Variants in PCDHGA11 observed in about 807,000 individuals in gnomAD.
PCDHGA11 encodes protocadherin gamma-A11.
A neutral mutation model predicts 60.4 loss-of-function variants in PCDHGA11; 39 were observed. The observed-to-expected ratio is 0.65, with a 90% CI of 0.50 to 0.84. PCDHGA11 has a LOEUF of 0.84. Ranked by LOEUF, PCDHGA11 falls within the 40% of genes least tolerant of loss-of-function variation. PCDHGA11 has a pLI of 0.00. For missense variants in PCDHGA11, 1,165 were observed against 1,197.7 expected, an observed-to-expected ratio of 0.97 and a Z score of 0.40; for synonymous variants, 533 against 510.3, an observed-to-expected ratio of 1.04 and a Z score of -0.60.
intron 1 of PCDHGA11, among the ~76,000 whole-genome samples, chr5:141,433,397 A>ATCTATCTG (rs1554126017): frequency 5.3e-5 from 8 of 150,410 alleles, no homozygotes; most frequent in Non-Finnish European, 1.2e-4. Context: ...CTATCTATCT[A>ATCTATCTG]TCTATCTATT....
intron 1 of PCDHGA11, among the ~76,000 whole-genome samples, chr5:141,445,746 TA>T (rs1486411811): frequency 2.0e-5 from 3 of 152,028 alleles, no homozygotes; most frequent in Non-Finnish European, 4.4e-5. Flanking sequence ...TTTTAAAAAA[TA>T]AAAGGTGTGA....
At chr5:141,434,875 A>G (rs2097725018) in intron 1 of PCDHGA11, among the ~76,000 whole-genome samples, 1 of 151,990 alleles carries the variant, frequency 6.6e-6, no homozygotes, top group African/African-American at 2.4e-5. Flanking sequence ...TGTGACAGAT[A>G]CCAACAACAA....
Position 141,432,061 on chromosome 5 carries a change from G to A in PCDHGA11, c.2433+8401G>A. 1 of 1,614,130 alleles carries A rather than the reference G, an allele frequency of 6.2e-7. No homozygotes were observed. The highest frequency in any genetic ancestry group is 8.5e-7 in the Non-Finnish European group (1 of 1,180,034). ...ACCGGGGAACCCCGCCCCTATCCAC[G>A]GAAACTCATATCTCGCTGAACGTGG... On this transcript the variant is annotated intron_variant, in intron 1 of 3. Coordinates refer to ENST00000398587, the MANE Select transcript of PCDHGA11 (RefSeq NM_018914.3). The surrounding 1 kb of genome is among the most constrained non-coding windows in gnomAD (Gnocchi z 6.0).
chr5:141,426,297 G>T (rs1056504791), intron 1 of PCDHGA11: 3 of 171,478 alleles, frequency 1.7e-5, no homozygotes, highest in African/African-American at 7.1e-5. Context: ...TGGGAAACAG[G>T]GTGAAGCAGA....
At chr5:141,508,841 C>G (rs969875150) in intron 3 of PCDHGA11, among the ~76,000 whole-genome samples, 1 of 152,140 alleles carries the variant, frequency 6.6e-6, no homozygotes, top group Admixed American at 6.5e-5. Flanking sequence ...TCCCCTACCC[C>G]TTCCATTCCC....
Position 141,477,447 on chromosome 5 carries a change from G to T in PCDHGA11, c.2434-17360G>T, listed in dbSNP as rs779097830. The T allele has an allele frequency of 6.2e-7, 1 of 1,614,098 alleles. No homozygotes were observed. Among genetic ancestry groups the T allele is most frequent in the Non-Finnish European group, 8.5e-7 (1 of 1,180,016 alleles). ...TCCCTCTCAGCCCTTACAATAGTGCGTGTTCAAGTGTCCGACATCAATGAC... is the reference window on the plus strand; with the variant it reads ...TCCCTCTCAGCCCTTACAATAGTGCTTGTTCAAGTGTCCGACATCAATGAC... On this transcript the variant is annotated intron_variant, in intron 1 of 3. Coordinates refer to ENST00000398587, the MANE Select transcript of PCDHGA11 (RefSeq NM_018914.3). This position sits in a 1 kb window ranked among gnomAD's most constrained non-coding sequence, Gnocchi z 4.9.
In PCDHGA11 at chr5:141,505,323, G is replaced by T. The variant is rs996747379; in HGVS notation, c.2493-70G>T. 12 of 1,606,640 alleles carry T rather than the reference G, an allele frequency of 7.5e-6. No homozygotes were observed. In the African/African-American group the frequency reaches 1.5e-4, roughly 20 times the overall value. On this transcript the variant is annotated intron_variant, in intron 2 of 3. Transcript: ENST00000398587. Reference sequence around the variant, plus strand: ...TAGGGTACTAGGTTTGGGAGCCCTGGGAGAGGACAGGAGGGGCATGAGCTG... The same window carrying T: ...TAGGGTACTAGGTTTGGGAGCCCTGTGAGAGGACAGGAGGGGCATGAGCTG...
chr5:141,497,326 T>C (rs1021730142), intron 2 of PCDHGA11, among the ~76,000 whole-genome samples: 1 of 152,060 alleles, frequency 6.6e-6, no homozygotes, highest in Non-Finnish European at 1.5e-5. Flanking sequence ...TGAAGCAGAA[T>C]TCACCATTGA....
chr5:141,490,476 G>A lies in PCDHGA11; in HGVS notation c.2434-4331G>A. 1 of 1,614,208 alleles carries A rather than the reference G, an allele frequency of 6.2e-7. No homozygotes were observed. The highest frequency in any genetic ancestry group is 8.5e-7 in the Non-Finnish European group (1 of 1,180,046). On this transcript the variant is annotated intron_variant, in intron 1 of 3. Transcript: ENST00000398587. The surrounding 1 kb of genome is among the most constrained non-coding windows in gnomAD (Gnocchi z 5.4). ...ACTCGCTGCTAACCAGCCAGCCTTT[G>A]GACCGGGAGGCCACATCCCACTATA...
At chr5:141,494,564 G>A (rs2099755274) in intron 1 of PCDHGA11, among the ~76,000 whole-genome samples, 1 of 152,138 alleles carries the variant, frequency 6.6e-6, no homozygotes, top group Non-Finnish European at 1.5e-5. Context: ...TTTAGGAAAG[G>A]AGTCTCAGCT....
intron 1 of PCDHGA11, chr5:141,427,356 G>A (rs1295421809): frequency 8.7e-6 from 4 of 457,618 alleles, no homozygotes; most frequent in Non-Finnish European, 1.8e-5. Context: ...AACTGAGGAC[G>A]CAGAACCCTG....
chr5:141,431,736 G>T lies in PCDHGA11; in HGVS notation c.2433+8076G>T. On this transcript the variant is annotated intron_variant, in intron 1 of 3. Transcript: ENST00000398587. The surrounding 1 kb of genome is among the most constrained non-coding windows in gnomAD (Gnocchi z 4.8). ...GAAGTGCAAGCAATGGATAATGCAG[G>T]ATATTCTGCGCGAGCCAAAGTCCTG... 1 of 1,614,218 alleles carries T rather than the reference G, an allele frequency of 6.2e-7. No individual in the cohort carries two copies. The highest frequency in any genetic ancestry group is 8.5e-7 in the Non-Finnish European group (1 of 1,180,046).
Position 141,476,247 on chromosome 5 carries a change from G to A in PCDHGA11, c.2434-18560G>A. The A allele has an allele frequency of 6.2e-7, 1 of 1,614,042 alleles. No individual in the cohort carries two copies. Among genetic ancestry groups the A allele is most frequent in the Non-Finnish European group, 8.5e-7 (1 of 1,180,010 alleles). Reference sequence around the variant, plus strand: ...GAGATCCCGGAGGAAAGAGAGAAGGGTTTCGCTGTGGGCAACGTGGTCGCG... The same window carrying A: ...GAGATCCCGGAGGAAAGAGAGAAGGATTTCGCTGTGGGCAACGTGGTCGCG... On this transcript the variant is annotated intron_variant, in intron 1 of 3. Transcript: ENST00000398587. This position sits in a 1 kb window ranked among gnomAD's most constrained non-coding sequence, Gnocchi z 7.6.
Position 141,491,248 on chromosome 5 carries a change from G to T in PCDHGA11, c.2434-3559G>T, listed in dbSNP as rs757712577. On this transcript the variant is annotated intron_variant, in intron 1 of 3. Transcript: ENST00000398587. The surrounding 1 kb of genome is among the most constrained non-coding windows in gnomAD (Gnocchi z 6.9). ...AGTGCTGCTGGTTCTGGAGGATGAG[G>T]ACCCTGAGGAAATGCCCAAATCCAG... 3 of 1,614,170 alleles carry T rather than the reference G, an allele frequency of 1.9e-6. No individual in the cohort carries two copies. Among genetic ancestry groups the T allele is most frequent in the Non-Finnish European group, 2.5e-6 (3 of 1,180,018 alleles).
At position 141,422,611 on chromosome 5, in the gene PCDHGA11, A is replaced by C; in HGVS notation, c.1384A>C (p.Ile462Leu). The C allele has an allele frequency of 1.9e-6, 3 of 1,613,762 alleles. No homozygotes were observed. The highest frequency in any genetic ancestry group is 2.5e-6 in the Non-Finnish European group (3 of 1,179,874). Residue 462 changes from isoleucine (I) to leucine (L), a missense_variant, in exon 1 of 4, where the codon ATT becomes CTT. Transcript: ENST00000398587. ...VFPHSSYSAYIPENNPRGASI... is the reference protein window; with the variant it reads ...VFPHSSYSAYLPENNPRGASI... ...TCCTCACTCCTCTTACTCTGCCTACATTCCCGAAAACAACCCCAGGGGTGC... is the reference window on the plus strand; with the variant it reads ...TCCTCACTCCTCTTACTCTGCCTACCTTCCCGAAAACAACCCCAGGGGTGC...
At chr5:141,484,501 A>G (rs1185523120) in intron 1 of PCDHGA11, among the ~76,000 whole-genome samples, 2 of 152,232 alleles carry the variant, frequency 1.3e-5, no homozygotes, top group African/African-American at 4.8e-5. Flanking sequence ...GTTTCTGAAT[A>G]TTCTGCAGAA....
At chr5:141,457,175 A>C (rs1447297536) in intron 1 of PCDHGA11, among the ~76,000 whole-genome samples, 2 of 152,192 alleles carry the variant, frequency 1.3e-5, no homozygotes, top group Non-Finnish European at 2.9e-5. Flanking sequence ...ACCCTATTGC[A>C]AATAGTAGAG....
intron 1 of PCDHGA11, chr5:141,426,680 T>C (rs1261836011): frequency 2.3e-6 from 1 of 431,334 alleles, no homozygotes; most frequent in East Asian, 7.2e-5. Flanking sequence ...CACCTCATTT[T>C]CCCCAAAATA....
chr5:141,485,511 C>G lies in PCDHGA11; in HGVS notation c.2434-9296C>G, dbSNP rs1168331122. The G allele has an allele frequency of 1.2e-6, 2 of 1,614,042 alleles. No individual in the cohort carries two copies. Among genetic ancestry groups the G allele is most frequent in the Non-Finnish European group, 1.7e-6 (2 of 1,180,038 alleles). On this transcript the variant is annotated intron_variant, in intron 1 of 3. Transcript: ENST00000398587. The surrounding 1 kb of genome is among the most constrained non-coding windows in gnomAD (Gnocchi z 5.7). Reference sequence around the variant, plus strand: ...CCCCTGGAGTTTGTCACCGAAGGTCCTTTGGAAATGTACCGAGCAGAGGTA... The same window carrying G: ...CCCCTGGAGTTTGTCACCGAAGGTCGTTTGGAAATGTACCGAGCAGAGGTA...
Sources: gnomAD v4.1 joint callset for allele counts (sites outside exome capture counted in the v4.1 genomes callset) on GRCh38, gnomAD v4.1.1 for gene constraint, Gnocchi (gnomAD v3.1) non-coding constraint, MANE v1.5 for transcripts, NCBI Gene and HGNC (gene_info 2026-07-23, HGNC 2026-07-21) for gene names.